NUP133: variants seen among roughly 807,000 people sequenced by gnomAD.
NUP133 encodes nuclear pore complex protein Nup133.
Under a neutral mutation model 146.2 loss-of-function variants are expected in NUP133, and 66 were observed. The ratio of observed to expected loss-of-function variants is 0.45; its 90% CI spans 0.37 to 0.55. The LOEUF (loss-of-function observed/expected upper bound fraction) is 0.55, where lower values mean the gene tolerates loss of function less well. Ranked by LOEUF, NUP133 falls within the 20% of genes least tolerant of loss-of-function variation. NUP133 has a pLI of 0.00. For missense variants in NUP133, 1,277 were observed against 1,374.8 expected (o/e 0.93, Z 1.12); for synonymous variants, 521 against 498.8 (o/e 1.04, Z -0.59).
rs558877904 is a variant in NUP133, at chr1:229,475,630, G to A, written c.1851+8C>T. ...CAGAGCCCTGTGCCCAGCACCCTGC[G>A]CTCTTACTTGATGAATAAAGTCCAT... On this transcript the variant is annotated splice_region_variant and intron_variant, in intron 14 of 25. Coordinates refer to ENST00000261396, the MANE Select transcript of NUP133 (RefSeq NM_018230.3). 3.1e-5 allele frequency: 49 copies of A among 1,606,498 alleles called. No homozygotes were observed. The highest frequency in any genetic ancestry group is 1.5e-4 in the South Asian group (14 of 90,908).
At chr1:229,462,956 C>T (rs1352319810) in intron 19 of NUP133, among the ~76,000 whole-genome samples, 3 of 152,114 alleles carry the variant, frequency 2.0e-5, no homozygotes, top group African/African-American at 4.8e-5. Context: ...TCTATGCTCC[C>T]GAGTATCTTC....
chr1:229,458,151 A>G lies in NUP133; in HGVS notation c.2980+10T>C, dbSNP rs1276181362. The G allele has an allele frequency of 6.2e-7, 1 of 1,607,012 alleles. No homozygotes were observed. Among genetic ancestry groups the G allele is most frequent in the Non-Finnish European group, 8.5e-7 (1 of 1,175,840 alleles). On this transcript the variant is annotated intron_variant, in intron 21 of 25. Transcript: ENST00000261396. Reference sequence around the variant, plus strand: ...CCAATTTGTAAATCCTTTTGCTCAAATTCTTTCACCTTCAATTTTTTCTTG... The same window carrying G: ...CCAATTTGTAAATCCTTTTGCTCAAGTTCTTTCACCTTCAATTTTTTCTTG...
Position 229,440,561 on chromosome 1 carries a change from AG to A in NUP133, c.*1342del, listed in dbSNP as rs1172590973. On this transcript the variant is annotated 3_prime_UTR_variant, in exon 26 of 26. Coordinates refer to ENST00000261396, the MANE Select transcript of NUP133 (RefSeq NM_018230.3). ...GTCTCGCAGCACATTATCACCCGACAGGGTCCTACAGGTGAGACGTGAACAC... is the reference window on the plus strand; with the variant it reads ...GTCTCGCAGCACATTATCACCCGACAGGTCCTACAGGTGAGACGTGAACAC... 6.6e-6 allele frequency: 1 copy of A among 152,284 alleles called. No homozygotes were observed. Among genetic ancestry groups the A allele is most frequent in the African/African-American group, 2.4e-5 (1 of 41,456 alleles). 9.4% of individuals were successfully genotyped at this position (152,284 alleles called of 1,614,324 possible).
Position 229,470,735 on chromosome 1 carries a change from A to G in NUP133, c.1921T>C (p.Cys641Arg). Residue 641 changes from cysteine to arginine, a missense_variant, in exon 15 of 26, where the codon TGT becomes CGT. Physicochemically the swap from Cys to Arg is radical, Grantham distance 180 (BLOSUM62 -3). This residue lies in a region of NUP133 where 952 missense variants were observed against 1,047.0 expected (regional missense o/e 0.91). Transcript: ENST00000261396. ...GCTGACAGCTTTTCGGCATGCTCAC[A>G]GAGCAACAGTCGAGTGGCCATCGGT... ...GTPMATRLLLCEHAEKLSAAI... is the reference protein window; with the variant it reads ...GTPMATRLLLREHAEKLSAAI... 1 of 1,614,248 alleles carries G rather than the reference A, an allele frequency of 6.2e-7. No individual in the cohort carries two copies. The highest frequency in any genetic ancestry group is 1.3e-5 in the African/African-American group (1 of 75,068).
At chr1:229,462,428 T>C (rs1660713465) in intron 19 of NUP133, among the ~76,000 whole-genome samples, 1 of 152,234 alleles carries the variant, frequency 6.6e-6, no homozygotes, top group Non-Finnish European at 1.5e-5. Context: ...CTTTTGTGTT[T>C]ATAGTGGTTT....
chr1:229,458,870 C>A (rs578145686), intron 20 of NUP133, among the ~76,000 whole-genome samples: 24 of 151,952 alleles, frequency 1.6e-4, no homozygotes, highest in Admixed American at 6.6e-4. Flanking sequence ...CCACAGGCAC[C>A]CAGCCTGGAC....
At chr1:229,505,548 A>G (rs532157794) in intron 2 of NUP133, among the ~76,000 whole-genome samples, 3 of 146,290 alleles carry the variant, frequency 2.1e-5, no homozygotes, top group Non-Finnish European at 4.5e-5. Flanking sequence ...AATGTATTAT[A>G]CATCTCAATT....
At chr1:229,444,305 T>C (rs941255249) in intron 25 of NUP133, among the ~76,000 whole-genome samples, 10 of 152,074 alleles carry the variant, frequency 6.6e-5, no homozygotes, top group Admixed American at 5.9e-4. Context: ...CACTCCAGCC[T>C]GGGCAACAGA....
At chr1:229,500,046 C>G (rs1423512029) in intron 4 of NUP133, among the ~76,000 whole-genome samples, 1 of 152,130 alleles carries the variant, frequency 6.6e-6, no homozygotes, top group African/African-American at 2.4e-5. Context: ...AGTGTCTGTT[C>G]AAGTCCTAGC....
At chr1:229,473,573 C>T (rs1341985421) in intron 14 of NUP133, among the ~76,000 whole-genome samples, 2 of 152,124 alleles carry the variant, frequency 1.3e-5, no homozygotes, top group Non-Finnish European at 2.9e-5. Context: ...AAGGTCCTGC[C>T]GGCCCAGTAT....
At chr1:229,458,375 T>C in intron 20 of NUP133, 79 bp from the exon 21 acceptor site, 12 of 1,472,352 alleles carry the variant, frequency 8.2e-6, no homozygotes, top group Non-Finnish European at 1.1e-5. Flanking sequence ...ACCCCAAACT[T>C]GTTTTTCTCC....
chr1:229,502,572 A>AC (rs1235170464), intron 2 of NUP133, among the ~76,000 whole-genome samples: 1 of 150,092 alleles, frequency 6.7e-6, no homozygotes, highest in African/African-American at 2.4e-5. Context: ...AAAAAAAAAA[A>AC]AAAAAAAAGA....
In NUP133 at chr1:229,441,122, G is replaced by C. The variant is rs1208767742; in HGVS notation, c.*782C>G. ...TTGCCATATTAGGAAAACCTATAAT[G>C]GTTTCTAGTATCATTCATGCTTTTG... On this transcript the variant is annotated 3_prime_UTR_variant, in exon 26 of 26. Coordinates refer to ENST00000261396, the MANE Select transcript of NUP133 (RefSeq NM_018230.3). 3 of 291,140 alleles carry C rather than the reference G, an allele frequency of 1.0e-5. No homozygotes were observed. The highest frequency in any genetic ancestry group is 4.4e-5 in the African/African-American group (2 of 45,826). 18.0% of individuals were successfully genotyped at this position (291,140 alleles called of 1,614,324 possible). A position where few individuals can be genotyped will look rare whatever the true frequency, so the allele number is the denominator to read the frequency against.
In NUP133 at chr1:229,499,792, T is replaced by G. The variant is rs747045268; in HGVS notation, c.540A>C (p.Arg180Ser). The stretch of plus-strand genomic sequence containing the variant: ...TTGGCCAATAGCGGATAGATCCTTC[T>G]CTGGTGGCAACCATGACAGCAACAG... ...TQAVAVMVAT[R>S]EGSIRYWPSL... Residue 180 changes from arginine (R) to serine (S), a missense_variant, in exon 5 of 26, where the codon AGA becomes AGC. Coordinates refer to ENST00000261396, the MANE Select transcript of NUP133 (RefSeq NM_018230.3). 1 of 1,613,914 alleles carries G rather than the reference T, an allele frequency of 6.2e-7. No individual in the cohort carries two copies. The highest frequency in any genetic ancestry group is 1.1e-5 in the South Asian group (1 of 91,068).
intron 19 of NUP133, among the ~76,000 whole-genome samples, chr1:229,461,212 G>A (rs1344025345): frequency 2.0e-5 from 3 of 152,178 alleles, no homozygotes; most frequent in African/African-American, 7.2e-5. Context: ...CACCGAGACT[G>A]TAACATTCCA....
intron 3 of NUP133, among the ~76,000 whole-genome samples, chr1:229,501,700 G>C (rs377160467): frequency 7.0e-4 from 107 of 152,304 alleles, no homozygotes; most frequent in African/African-American, 2.4e-3. Flanking sequence ...TATGTGGATA[G>C]CATTTAGTCT....
intron 15 of NUP133, among the ~76,000 whole-genome samples, chr1:229,467,805 G>T (rs1271373656): frequency 1.3e-5 from 2 of 151,610 alleles, no homozygotes; most frequent in Non-Finnish European, 2.9e-5. Context: ...TGCACCTGGA[G>T]TCCCGGCTAC....
chr1:229,485,601 T>C (rs956950720), intron 11 of NUP133, among the ~76,000 whole-genome samples: 12 of 152,128 alleles, frequency 7.9e-5, no homozygotes, highest in Admixed American at 2.0e-4. Flanking sequence ...GTTAGAATGA[T>C]AAAGGCAGAG....
rs556067201 is a variant in NUP133, at chr1:229,465,492, G to A, written c.2227C>T (p.Arg743Cys). Reference protein sequence around the residue: ...KDMLQAASHYRQNRNSLYRRE... With the variant: ...KDMLQAASHYCQNRNSLYRRE... The stretch of plus-strand genomic sequence containing the variant: ...CTATACAAAGAGTTTCTATTTTGGC[G>A]ATAATGACTAGCAGCCTGCAGCATA... Residue 743 changes from arginine to cysteine, a missense_variant, in exon 17 of 26, where the codon CGC (arginine) becomes TGC (cysteine). Around this residue, in one of 3 missense-constraint regions of NUP133, gnomAD observed 952 missense variants for 1,047.0 expected, o/e 0.91. Coordinates refer to ENST00000261396, the MANE Select transcript of NUP133 (RefSeq NM_018230.3). 10 of 1,613,714 alleles carry A rather than the reference G, an allele frequency of 6.2e-6. No individual in the cohort carries two copies. The highest frequency in any genetic ancestry group is 2.2e-5 in the East Asian group (1 of 44,858).
Sources: gnomAD v4.1 joint callset for allele counts (sites outside exome capture counted in the v4.1 genomes callset) on GRCh38, gnomAD v4.1.1 for gene constraint, gnomAD v4.1.1 regional missense constraint, MANE v1.5 for transcripts, NCBI Gene and HGNC (gene_info 2026-07-23, HGNC 2026-07-21) for gene names.